NCOA3: variants seen among roughly 807,000 people sequenced by gnomAD.
The protein encoded by NCOA3 is nuclear receptor coactivator 3.
NCOA3 carries 51 observed loss-of-function variants against 158.8 expected under a neutral mutation model. The ratio of observed to expected loss-of-function variants is 0.32; its 90% CI spans 0.26 to 0.41. The LOEUF is 0.41. Among genes scored for constraint, NCOA3 ranks in the 10% least tolerant of loss-of-function variants. The probability of loss-of-function intolerance (pLI) is 1.00; values close to 1 mark genes in which losing one functional copy is unlikely to be tolerated. For synonymous variants in NCOA3, 537 were observed against 592.4 expected (o/e 0.91, Z 1.36); for missense variants, 1,510 against 1,746.6 (o/e 0.86, Z 2.41).
At position 47,581,120 on chromosome 20, in the gene NCOA3, A is replaced by C. The variant is rs6012217; in HGVS notation, c.-98-2063A>C. Among the ~76,000 whole-genome samples, 1,071 of 152,134 alleles carry C rather than the reference A, an allele frequency of 7.0e-3. 17 individuals are homozygous for C. Among genetic ancestry groups the C allele is most frequent in the African/African-American group, 0.024 (1,014 of 41,504 alleles). On this transcript the variant is annotated intron_variant, in intron 1 of 22. Coordinates refer to ENST00000371998, the MANE Select transcript of NCOA3 (RefSeq NM_181659.3). Reference sequence around the variant, plus strand: ...TCCTGTCTCAAAAAGAAAAAGAAAAAAGCTACAACTTTGGTGCACAAAATT... The same window carrying C: ...TCCTGTCTCAAAAAGAAAAAGAAAACAGCTACAACTTTGGTGCACAAAATT...
At chr20:47,644,374 C>T (rs1436230866) in intron 17 of NCOA3, among the ~76,000 whole-genome samples, 6 of 152,096 alleles carry the variant, frequency 3.9e-5, no homozygotes, top group Admixed American at 6.5e-5. Context: ...CCCCTGACCT[C>T]ATGATCCACC....
intron 8 of NCOA3, among the ~76,000 whole-genome samples, chr20:47,632,492 A>G (rs1015971850): frequency 2.6e-5 from 4 of 151,328 alleles, no homozygotes; most frequent in Non-Finnish European, 5.9e-5. Context: ...GGTTCAAGCA[A>G]TTCTCCTGCC....
At chr20:47,604,651 T>C (rs1428271994) in intron 2 of NCOA3, among the ~76,000 whole-genome samples, 1 of 152,248 alleles carries the variant, frequency 6.6e-6, no homozygotes, top group East Asian at 1.9e-4. Flanking sequence ...TTGCCCAGGC[T>C]GGTCTCAAAC....
At position 47,636,563 on chromosome 20, in the gene NCOA3, A is replaced by C; in HGVS notation, c.2177A>C (p.Gln726Pro). 1 of 1,614,198 alleles carries C rather than the reference A, an allele frequency of 6.2e-7. No homozygotes were observed. The highest frequency in any genetic ancestry group is 8.5e-7 in the Non-Finnish European group (1 of 1,180,042). ...CGDGNVVKQE[Q>P]LSPKKKENNA... is the part of the protein sequence containing the mutation. ...GACGGAAATGTTGTCAAGCAGGAGCAGCTAAGTCCTAAGAAGAAGGAGAAT... is the reference window on the plus strand; with the variant it reads ...GACGGAAATGTTGTCAAGCAGGAGCCGCTAAGTCCTAAGAAGAAGGAGAAT... The change falls in exon 12 of 23, where the codon CAG becomes CCG. Residue 726 changes from glutamine (Q) to proline (P), a missense_variant. Physicochemically the swap from Gln to Pro is moderately conservative, Grantham distance 76. Coordinates refer to ENST00000371998, the MANE Select transcript of NCOA3 (RefSeq NM_181659.3).
intron 1 of NCOA3, among the ~76,000 whole-genome samples, chr20:47,571,480 G>C (rs2085294431): frequency 6.6e-6 from 1 of 151,028 alleles, no homozygotes; most frequent in Non-Finnish European, 1.5e-5. Context: ...ACCACACCCG[G>C]CTAATTTTTG....
intron 1 of NCOA3, among the ~76,000 whole-genome samples, chr20:47,530,030 G>T (rs1443843597): frequency 6.6e-6 from 1 of 152,222 alleles, no homozygotes; most frequent in Non-Finnish European, 1.5e-5. Flanking sequence ...TGCAACTGCA[G>T]TTGCACTCTG....
chr20:47,623,845 C>A, intron 3 of NCOA3, 66 bp from the exon 4 acceptor site: 1 of 1,460,862 alleles, frequency 6.8e-7, no homozygotes, highest in Non-Finnish European at 9.3e-7. Flanking sequence ...GCTGATTCTG[C>A]TAACAGCTCT....
chr20:47,571,396 C>T (rs990906436), intron 1 of NCOA3, among the ~76,000 whole-genome samples: 1 of 151,468 alleles, frequency 6.6e-6, no homozygotes, highest in Non-Finnish European at 1.5e-5. Context: ...TGGCTCACTG[C>T]AACCTTCACC....
intron 1 of NCOA3, among the ~76,000 whole-genome samples, chr20:47,529,369 T>C (rs1402011284): frequency 6.6e-6 from 1 of 151,964 alleles, no homozygotes; most frequent in African/African-American, 2.4e-5. Context: ...TCCACCCACC[T>C]TGGCCTCCCA....
intron 2 of NCOA3, among the ~76,000 whole-genome samples, chr20:47,610,652 C>T (rs2146276981): frequency 6.6e-6 from 1 of 152,318 alleles, no homozygotes; most frequent in Non-Finnish European, 1.5e-5. Context: ...ATGACCTATT[C>T]AGGAAGTCTT....
chr20:47,543,259 A>G (rs1239908294), intron 1 of NCOA3, among the ~76,000 whole-genome samples: 1 of 152,132 alleles, frequency 6.6e-6, no homozygotes, highest in Non-Finnish European at 1.5e-5. Context: ...TTGTGACCTC[A>G]GAAGTGACAG....
At chr20:47,594,828 G>T (rs1354517879) in intron 2 of NCOA3, among the ~76,000 whole-genome samples, 1 of 110,030 alleles carries the variant, frequency 9.1e-6, no homozygotes, top group African/African-American at 3.6e-5. Flanking sequence ...TTTTGCTGTT[G>T]CCGCCCAGTC....
Position 47,651,216 on chromosome 20 carries a change from T to C in NCOA3, c.3886T>C (p.Leu1296=). 6.2e-7 allele frequency: 1 copy of C among 1,613,986 alleles called. No homozygotes were observed. Among genetic ancestry groups the C allele is most frequent in the Non-Finnish European group, 8.5e-7 (1 of 1,179,886 alleles). ...TGCTTCCCCCAGCATGGATGGGCTT[T>C]TGGCAGGACCCACAATGCCACAAGC... is the stretch of plus-strand genomic sequence containing the variant. ...VTASPSMDGL[L]AGPTMPQAPP... The change falls in exon 20 of 23, where the codon TTG becomes CTG. Residue 1296 remains leucine, a synonymous_variant. Coordinates refer to ENST00000371998, the MANE Select transcript of NCOA3 (RefSeq NM_181659.3).
chr20:47,627,528 T>C (rs1198945641), intron 6 of NCOA3, 33 bp from the exon 7 acceptor site: 6 of 1,553,888 alleles, frequency 3.9e-6, no homozygotes. Context: ...GTTACCAGCT[T>C]TTTAAAATGT....
rs376679137 is a variant in NCOA3, at chr20:47,639,651, G to A, written c.2782G>A (p.Gly928Ser). 7.4e-6 allele frequency: 12 copies of A among 1,613,794 alleles called. No homozygotes were observed. The highest frequency in any genetic ancestry group is 5.0e-5 in the Admixed American group (3 of 59,986). ...CTGGGGCTTACCAAACTCAAAGGCC[G>A]GCAGAATGGAACCTATGAATTCAAA... ...GDWGLPNSKA[G>S]RMEPMNSNSM... Residue 928 changes from glycine (G) to serine (S), a missense_variant, in exon 15 of 23, where the codon GGC (glycine) becomes AGC (serine). Gly to Ser is a moderately conservative substitution (Grantham distance 56). Around this residue, in one of 4 missense-constraint regions of NCOA3, gnomAD observed 1,017 missense variants for 1,098.3 expected, o/e 0.93. Coordinates refer to ENST00000371998, the MANE Select transcript of NCOA3 (RefSeq NM_181659.3).
chr20:47,542,486 A>G (rs773494472), intron 1 of NCOA3, among the ~76,000 whole-genome samples: 2 of 152,146 alleles, frequency 1.3e-5, no homozygotes, highest in Non-Finnish European at 2.9e-5. Context: ...TATTTTTTAC[A>G]AGCATATTCA....
chr20:47,649,245 A>G lies in NCOA3; in HGVS notation c.3651+136A>G, dbSNP rs2086741761. On this transcript the variant is annotated intron_variant, in intron 19 of 22. Transcript: ENST00000371998. Reference sequence around the variant, plus strand: ...TCTTGTGTAAGAAAGCAGTCGCATTAAAGACTTTCGACTCTTCCATTCTTC... The same window carrying G: ...TCTTGTGTAAGAAAGCAGTCGCATTGAAGACTTTCGACTCTTCCATTCTTC... 9.2e-6 allele frequency: 5 copies of G among 545,202 alleles called. No homozygotes were observed. In the East Asian group the frequency reaches 1.5e-4, roughly 17 times the overall value. The allele number at this position is 545,202 out of a possible 1,614,324, so 33.8% of individuals were successfully genotyped here.
At chr20:47,613,693 A>G (rs2086080799) in intron 2 of NCOA3, among the ~76,000 whole-genome samples, 1 of 151,930 alleles carries the variant, frequency 6.6e-6, no homozygotes, top group Non-Finnish European at 1.5e-5. Context: ...CCGGTGGATC[A>G]TGAGGTCAGG....
At position 47,627,642 on chromosome 20, in the gene NCOA3, A is replaced by G. The variant is rs551771092; in HGVS notation, c.614A>G (p.His205Arg). 2.5e-6 allele frequency: 4 copies of G among 1,614,184 alleles called. No homozygotes were observed. The highest frequency in any genetic ancestry group is 2.2e-5 in the East Asian group (1 of 44,882). ...FNCRMLMKTP[H>R]DILEDINASP... is the part of the protein sequence containing the mutation. ...TGCCGTATGTTGATGAAAACACCACATGATATTCTGGAAGACATAAACGCC... is the reference window on the plus strand; with the variant it reads ...TGCCGTATGTTGATGAAAACACCACGTGATATTCTGGAAGACATAAACGCC... Residue 205 changes from histidine to arginine, a missense_variant, in exon 7 of 23, where the codon CAT becomes CGT. Physicochemically the swap from His to Arg is conservative, Grantham distance 29. Around this residue, in one of 4 missense-constraint regions of NCOA3, gnomAD observed 309 missense variants for 427.1 expected, o/e 0.72. Coordinates refer to ENST00000371998, the MANE Select transcript of NCOA3 (RefSeq NM_181659.3).
Sources: gnomAD v4.1 joint callset for allele counts (sites outside exome capture counted in the v4.1 genomes callset) on GRCh38, gnomAD v4.1.1 for gene constraint, gnomAD v4.1.1 regional missense constraint, MANE v1.5 for transcripts, NCBI Gene and HGNC (gene_info 2026-07-23, HGNC 2026-07-21) for gene names.